The following NEBL variants were observed in gnomAD, a reference collection of about 807,000 sequenced individuals.
NEBL encodes the protein LIM and SH3 protein 2.
NEBL carries 122 observed loss-of-function variants against 140.2 expected under a neutral mutation model. That is an observed-to-expected ratio of 0.87 (90% confidence interval 0.75 to 1.01). The LOEUF (loss-of-function observed/expected upper bound fraction) is 1.01, where lower values mean the gene tolerates loss of function less well. Ranked by LOEUF, NEBL falls within the 50% of genes least tolerant of loss-of-function variation. The pLI is 0.00. For missense variants in NEBL, 1,365 were observed against 1,231.3 expected (o/e 1.11, Z -1.62); for synonymous variants, 436 against 398.9 (o/e 1.09, Z -1.11).
At chr10:21,046,838 G>T (rs755310148) in intron 2 of NEBL, among the ~76,000 whole-genome samples, 1 of 152,144 alleles carries the variant, frequency 6.6e-6, no homozygotes, top group African/African-American at 2.4e-5. Context: ...TCCTGACCTG[G>T]TGATCCGCCT....
At position 21,173,459 on chromosome 10, in the gene NEBL, G is replaced by T. The variant is rs977339585; in HGVS notation, c.69+306C>A. ...GCGGCTCGCCGAAGTGCCCCCCTGGGTGCCCAGCCTGGTCCCTCCGGGGTC... is the reference window on the plus strand; with the variant it reads ...GCGGCTCGCCGAAGTGCCCCCCTGGTTGCCCAGCCTGGTCCCTCCGGGGTC... On this transcript the variant is annotated intron_variant, in intron 1 of 6. Coordinates refer to the NEBL transcript ENST00000417816. The surrounding 1 kb of genome is among the most constrained non-coding windows in gnomAD (Gnocchi z 5.7). 6.6e-6 allele frequency among the ~76,000 whole-genome samples: 1 copy of T among 151,988 alleles called. No homozygotes were observed. The highest frequency in any genetic ancestry group is 1.5e-5 in the Non-Finnish European group (1 of 68,000).
At chr10:21,240,947 A>ACACACACACACAC (rs1341595507) in intron 3 of NEBL, among the ~76,000 whole-genome samples, 2 of 121,196 alleles carry the variant, frequency 1.7e-5, no homozygotes, top group Admixed American at 8.0e-5. Context: ...CACACACACA[A>ACACACACACACAC]AACCAGTATC....
chr10:21,035,331 C>T (rs534496463), intron 2 of NEBL, among the ~76,000 whole-genome samples: 1 of 151,694 alleles, frequency 6.6e-6, no homozygotes, highest in African/African-American at 2.4e-5. Context: ...CTCCTTCCCC[C>T]CGCCCCCCAA....
At chr10:20,942,591 G>C (rs1231850807) in intron 4 of NEBL, among the ~76,000 whole-genome samples, 1 of 152,120 alleles carries the variant, frequency 6.6e-6, no homozygotes, top group African/African-American at 2.4e-5. Flanking sequence ...TGGCAAATGG[G>C]ACCTAATTAA....
intron 3 of NEBL, among the ~76,000 whole-genome samples, chr10:20,978,122 T>C (rs1407772324): frequency 1.3e-5 from 2 of 152,060 alleles, no homozygotes; most frequent in African/African-American, 4.8e-5. Context: ...ATATGAAAAA[T>C]AGATGTAGTC....
At chr10:20,916,130 T>C (rs1323425495) in intron 4 of NEBL, among the ~76,000 whole-genome samples, 5 of 152,184 alleles carry the variant, frequency 3.3e-5, no homozygotes, top group Non-Finnish European at 7.3e-5. Context: ...ATCAGTCATC[T>C]AGTTCAACTA....
chr10:21,097,652 C>T (rs1837255007), intron 2 of NEBL, among the ~76,000 whole-genome samples: 1 of 152,064 alleles, frequency 6.6e-6, no homozygotes, highest in Non-Finnish European at 1.5e-5. Flanking sequence ...CCATGGCAAG[C>T]TACAAGAACA....
intron 2 of NEBL, among the ~76,000 whole-genome samples, chr10:21,094,623 A>G (rs1210693940): frequency 1.3e-5 from 2 of 151,734 alleles, no homozygotes; most frequent in African/African-American, 4.8e-5. Flanking sequence ...CAGAGGTTTC[A>G]GTGAGCTGAG....
chr10:21,178,109 A>G (rs1841331995), upstream of NEBL, among the ~76,000 whole-genome samples: 1 of 152,228 alleles, frequency 6.6e-6, no homozygotes, highest in Non-Finnish European at 1.5e-5. Context: ...GCTTTAACCT[A>G]ATGAAGCATT....
intron 3 of NEBL, among the ~76,000 whole-genome samples, chr10:21,226,178 C>T (rs190205248): frequency 1.8e-4 from 28 of 152,080 alleles, no homozygotes; most frequent in African/African-American, 5.3e-4. Context: ...CTAGAAATGT[C>T]AGGGAGCTAG....
intron 4 of NEBL, among the ~76,000 whole-genome samples, chr10:20,911,202 A>G (rs909053306): frequency 1.3e-5 from 2 of 152,142 alleles, no homozygotes; most frequent in African/African-American, 4.8e-5. Flanking sequence ...AGCAAAGAGT[A>G]AGCACTGCAG....
At chr10:21,045,909 C>A (rs1282757736) in intron 2 of NEBL, among the ~76,000 whole-genome samples, 1 of 152,096 alleles carries the variant, frequency 6.6e-6, no homozygotes, top group Non-Finnish European at 1.5e-5. Context: ...CAAAAAGATA[C>A]CTGCAATCGC....
At chr10:20,834,928 A>G (rs1418293956) in intron 14 of NEBL, among the ~76,000 whole-genome samples, 9 of 152,234 alleles carry the variant, frequency 5.9e-5, no homozygotes, top group Non-Finnish European at 1.3e-4. Flanking sequence ...AAACTTCTAA[A>G]TCAATATCCT....
intron 2 of NEBL, among the ~76,000 whole-genome samples, chr10:21,036,767 G>A (rs1237985839): frequency 2.0e-5 from 3 of 152,012 alleles, no homozygotes; most frequent in Non-Finnish European, 2.9e-5. Context: ...TACAGAAAGT[G>A]AACCATCCGC....
At chr10:21,163,710 C>A (rs1017613540) in intron 2 of NEBL, among the ~76,000 whole-genome samples, 6 of 152,174 alleles carry the variant, frequency 3.9e-5, no homozygotes, top group Non-Finnish European at 8.8e-5. Flanking sequence ...GCTTTTTAGA[C>A]CGCTGAGCTG....
chr10:20,841,375 G>C (rs1391957192), intron 12 of NEBL: 1 of 158,016 alleles, frequency 6.3e-6, no homozygotes, highest in East Asian at 1.8e-4. Context: ...TAAGCTATTA[G>C]GAGTTTCAAT....
At chr10:21,086,684 G>T (rs898186325) in intron 2 of NEBL, among the ~76,000 whole-genome samples, 1 of 152,074 alleles carries the variant, frequency 6.6e-6, no homozygotes, top group South Asian at 2.1e-4. Flanking sequence ...AGCCAAGGTG[G>T]GTGGATGAGT....
rs895324008 is a variant in NEBL at position 20,780,521 on chromosome 10, G to C, written c.*5226C>G. 6.6e-6 allele frequency: 1 copy of C among 152,092 alleles called. No individual in the cohort carries two copies. The highest frequency in any genetic ancestry group is 2.4e-5 in the African/African-American group (1 of 41,418). 9.4% of individuals were successfully genotyped at this position (152,092 alleles called of 1,614,324 possible). On this transcript the variant is annotated 3_prime_UTR_variant, in exon 28 of 28. Coordinates refer to ENST00000377122, the MANE Select transcript of NEBL (RefSeq NM_006393.3). ...TGAAGGCAGCACACACCTCTGATGC[G>C]ATTTGATGTGAGTTGTCATGTTAAA...
chr10:20,809,883 C>T lies in NEBL; in HGVS notation c.2534G>A (p.Arg845His), dbSNP rs761052528. 4.6e-5 allele frequency: 74 copies of T among 1,610,602 alleles called. No individual in the cohort carries two copies. Among genetic ancestry groups the T allele is most frequent in the African/African-American group, 6.8e-5 (5 of 74,022 alleles). ...GTCGAAGATGGAGCCAGGATCTGTGCGCCAAACTTTGAGGTCTTTTGCCAA... is the reference window on the plus strand; with the variant it reads ...GTCGAAGATGGAGCCAGGATCTGTGTGCCAAACTTTGAGGTCTTTTGCCAA... Reference protein sequence around the residue: ...PGIIVDLKVWRTDPGSIFDLD... With the variant: ...PGIIVDLKVWHTDPGSIFDLD... Residue 845 changes from arginine (R) to histidine (H), a missense_variant, in exon 25 of 28, where the codon CGC (arginine) becomes CAC (histidine). Around this residue, in one of 2 missense-constraint regions of NEBL, gnomAD observed 1,323 missense variants for 1,154.8 expected, o/e 1.15. Transcript: ENST00000377122.
Sources: allele counts gnomAD v4.1 joint callset (sites outside exome capture counted in the v4.1 genomes callset), GRCh38; gene constraint gnomAD v4.1.1; regional missense constraint gnomAD v4.1.1; non-coding constraint Gnocchi (gnomAD v3.1); transcripts MANE v1.5; gene names NCBI Gene and HGNC (gene_info 2026-07-23, HGNC 2026-07-21).